Variants in COL12A1 observed in about 807,000 individuals in gnomAD.
COL12A1 encodes collagen alpha-1(XII) chain.
A neutral mutation model predicts 349.7 loss-of-function variants in COL12A1; 114 were observed. That is an observed-to-expected ratio of 0.33 (90% confidence interval 0.28 to 0.38). The LOEUF (loss-of-function observed/expected upper bound fraction) is 0.38, where lower values mean the gene tolerates loss of function less well. COL12A1 is among the 10% of genes least tolerant of loss of function. The pLI is 1.00. For synonymous variants in COL12A1, 1,369 were observed against 1,329.0 expected (o/e 1.03, Z -0.66); for missense variants, 3,284 against 3,756.9 (o/e 0.87, Z 3.29).
At chr6:75,155,187 C>G (rs754666258) in intron 16 of COL12A1, among the ~76,000 whole-genome samples, 6 of 152,092 alleles carry the variant, frequency 3.9e-5, no homozygotes, top group Non-Finnish European at 7.4e-5. Flanking sequence ...CAGCCTTGCC[C>G]TTTCCTGCCA....
At chr6:75,181,822 G>A (rs1340489927) in intron 10 of COL12A1, among the ~76,000 whole-genome samples, 1 of 152,000 alleles carries the variant, frequency 6.6e-6, no homozygotes, top group Non-Finnish European at 1.5e-5. Context: ...GGGTATGGGG[G>A]CTAACGCCTA....
chr6:75,201,220 A>T (rs1770509453), intron 2 of COL12A1, among the ~76,000 whole-genome samples: 1 of 152,230 alleles, frequency 6.6e-6, no homozygotes, highest in African/African-American at 2.4e-5. Flanking sequence ...AAATATCTGT[A>T]GTAGGGCCTC....
chr6:75,131,274 C>G (rs1766288753), intron 35 of COL12A1, among the ~76,000 whole-genome samples: 1 of 152,052 alleles, frequency 6.6e-6, no homozygotes, highest in Admixed American at 6.6e-5. Context: ...TGATATTTCC[C>G]CAAAAAACAT....
At chr6:75,191,551 A>G in intron 5 of COL12A1, 150 bp downstream of exon 5, 2 of 429,072 alleles carry the variant, frequency 4.7e-6, no homozygotes, top group Non-Finnish European at 8.1e-6. Flanking sequence ...GTTATACATT[A>G]TTCTTATATT....
chr6:75,121,150 A>T, intron 44 of COL12A1, 152 bp downstream of exon 44: 1 of 615,316 alleles, frequency 1.6e-6, no homozygotes, highest in Non-Finnish European at 2.5e-6. Flanking sequence ...TTTATACCCA[A>T]TTCCCTCCCA....
At chr6:75,200,915 G>A (rs1355689562) in intron 2 of COL12A1, among the ~76,000 whole-genome samples, 3 of 151,286 alleles carry the variant, frequency 2.0e-5, no homozygotes, top group Non-Finnish European at 4.4e-5. Context: ...TTAAGGAGAT[G>A]GGATACAAGA....
In COL12A1 at chr6:75,188,544, C is replaced by CA; in HGVS notation, c.824-10dup. On this transcript the variant is annotated splice_polypyrimidine_tract_variant and intron_variant, in intron 7 of 65. Transcript: ENST00000322507. ...ATCTGCAGCTTTAATGCCTTCAAAA[C>CA]AAAAGGATAAGGACATATTGAAATG... is the stretch of plus-strand genomic sequence containing the variant. 1 of 1,610,708 alleles carries CA rather than the reference C, an allele frequency of 6.2e-7. No homozygotes were observed. Among genetic ancestry groups the CA allele is most frequent in the Non-Finnish European group, 8.5e-7 (1 of 1,179,324 alleles).
intron 1 of COL12A1, among the ~76,000 whole-genome samples, chr6:75,204,129 C>T (rs1309328176): frequency 6.6e-6 from 1 of 152,180 alleles, no homozygotes; most frequent in East Asian, 1.9e-4. Context: ...TGGCACTGCC[C>T]TAAGTATCTA....
intron 52 of COL12A1, among the ~76,000 whole-genome samples, chr6:75,108,063 T>C (rs1349398839): frequency 6.6e-6 from 1 of 150,680 alleles, no homozygotes; most frequent in African/African-American, 2.5e-5. Context: ...ATAGGTCTAT[T>C]GATTGACATT....
intron 8 of COL12A1, 118 bp from the exon 9 acceptor site, chr6:75,184,262 G>C: frequency 8.7e-7 from 1 of 1,145,214 alleles, no homozygotes. Context: ...ACATTGAAAA[G>C]AGTTGCCCAA....
At chr6:75,173,766 C>A (rs112093399) in intron 13 of COL12A1, among the ~76,000 whole-genome samples, 1 of 152,154 alleles carries the variant, frequency 6.6e-6, no homozygotes, top group Non-Finnish European at 1.5e-5. Context: ...TATGTCCTGT[C>A]TCATTAATTA....
chr6:75,151,074 A>AAAC, intron 21 of COL12A1, 67 bp downstream of exon 21: 1 of 136,676 alleles, frequency 7.3e-6, no homozygotes, highest in Non-Finnish European at 1.5e-5. Flanking sequence ...CCCCCCACCC[A>AAAC]AAAGAATAAT....
chr6:75,194,669 C>G (rs1770127470), intron 3 of COL12A1, among the ~76,000 whole-genome samples, 162 bp downstream of exon 3: 1 of 152,072 alleles, frequency 6.6e-6, no homozygotes, highest in Non-Finnish European at 1.5e-5. Context: ...GGACACTAGA[C>G]TGGAAATCTG....
Position 75,184,068 on chromosome 6 carries a change from A to G in COL12A1, c.1074T>C (p.Pro358=). ...KYVKLNWNPS[P]SPVTGYKVIL... ...TGACTTTGTAGCCAGTCACTGGACT[A>G]GGAGATGGATTCCAATTTAGCTTAA... The change falls in exon 9 of 66, where the codon CCT becomes CCC. Residue 358 remains proline (P), a synonymous_variant. Transcript: ENST00000322507. 5.6e-6 allele frequency: 9 copies of G among 1,614,204 alleles called. No homozygotes were observed. The highest frequency in any genetic ancestry group is 7.6e-6 in the Non-Finnish European group (9 of 1,180,020).
intron 2 of COL12A1, among the ~76,000 whole-genome samples, chr6:75,202,135 C>T (rs1010202156): frequency 5.9e-5 from 9 of 152,180 alleles, no homozygotes; most frequent in African/African-American, 1.7e-4. Context: ...CCTGGGGTCC[C>T]GGATCTCCGC....
At chr6:75,092,458 A>T (rs1285717659) in intron 60 of COL12A1, among the ~76,000 whole-genome samples, 7 of 152,190 alleles carry the variant, frequency 4.6e-5, no homozygotes, top group Non-Finnish European at 8.8e-5. Context: ...ACACTGTCAT[A>T]AGCCTCTCAC....
chr6:75,089,093 C>A lies in COL12A1; in HGVS notation c.9010+13G>T. The A allele has an allele frequency of 1.9e-6, 3 of 1,602,122 alleles. 1 individual carries two copies. Among genetic ancestry groups the A allele is most frequent in the Non-Finnish European group, 2.6e-6 (3 of 1,171,918 alleles). ...TTATAGTCTTTGCCTGTTTAAAATACTAGCAAACCTACCTGGGGGGCCAGG... is the reference window on the plus strand; with the variant it reads ...TTATAGTCTTTGCCTGTTTAAAATAATAGCAAACCTACCTGGGGGGCCAGG... On this transcript the variant is annotated intron_variant, in intron 64 of 65. Coordinates refer to ENST00000322507, the MANE Select transcript of COL12A1 (RefSeq NM_004370.6).
intron 8 of COL12A1, among the ~76,000 whole-genome samples, chr6:75,185,292 G>C (rs935384783): frequency 2.0e-5 from 3 of 152,146 alleles, no homozygotes; most frequent in African/African-American, 7.2e-5. Context: ...TAAAATCAAT[G>C]TGCAAAAATT....
chr6:75,112,054 G>A (rs924978377), intron 51 of COL12A1, among the ~76,000 whole-genome samples: 9 of 151,754 alleles, frequency 5.9e-5, no homozygotes, highest in African/African-American at 1.9e-4. Flanking sequence ...TGTCTTTTAT[G>A]TATAAGGGCT....
Sources: gnomAD v4.1 joint callset for allele counts (sites outside exome capture counted in the v4.1 genomes callset) on GRCh38, gnomAD v4.1.1 for gene constraint, MANE v1.5 for transcripts, NCBI Gene and HGNC (gene_info 2026-07-23, HGNC 2026-07-21) for gene names.